The following PCDHGA1 variants were observed in gnomAD, a reference collection of about 807,000 sequenced individuals.
The protein encoded by PCDHGA1 is protocadherin gamma-A1.
In PCDHGA1, 32 loss-of-function variants were observed where a neutral mutation model predicts 58.0. The ratio of observed to expected loss-of-function variants is 0.55; its 90% CI spans 0.42 to 0.74. The LOEUF is 0.74. PCDHGA1 is among the 30% of genes least tolerant of loss of function. The pLI, the probability that PCDHGA1 is intolerant of heterozygous loss-of-function variation, is 0.00. For synonymous variants in PCDHGA1, 498 were observed against 501.1 expected, an observed-to-expected ratio of 0.99 and a Z score of 0.08; for missense variants, 1,205 against 1,182.3, an observed-to-expected ratio of 1.02 and a Z score of -0.28.
chr5:141,355,504 T>C (rs1759880849), intron 1 of PCDHGA1: 8 of 1,614,034 alleles, frequency 5.0e-6, no homozygotes, highest in Non-Finnish European at 6.8e-6. Context: ...ATCTCCAAAC[T>C]GTGTGACAAA....
chr5:141,330,708 TG>T lies in PCDHGA1; in HGVS notation c.26del (p.Gly9AlafsTer5), dbSNP rs1172405404. On this transcript the variant is annotated frameshift_variant, in exon 1 of 4. Coordinates refer to ENST00000517417, the MANE Select transcript of PCDHGA1 (RefSeq NM_018912.3). LOFTEE classifies it high-confidence loss of function. Reference sequence around the variant, plus strand: ...CCATGAAGATTCAGAAAAAGCTGACTGGCTGCAGCAGGCTGATGCTTCTGTG... The same window carrying T: ...CCATGAAGATTCAGAAAAAGCTGACTGCTGCAGCAGGCTGATGCTTCTGTG... MKIQKKLT[G>X]CSRLMLLCLS... The T allele has an allele frequency of 1.2e-6, 2 of 1,608,478 alleles. No homozygotes were observed. The highest frequency in any genetic ancestry group is 4.5e-5 in the East Asian group (2 of 44,768).
At position 141,490,735 on chromosome 5, in the gene PCDHGA1, C is replaced by T; in HGVS notation, c.2422-4072C>T. The T allele has an allele frequency of 2.5e-6, 4 of 1,614,194 alleles. No individual in the cohort carries two copies. Among genetic ancestry groups the T allele is most frequent in the Non-Finnish European group, 2.5e-6 (3 of 1,180,018 alleles). ...CTACTCCATTGTAGGAAATCAGGTTCAGGGAGCCCCAGCCTCCTCCTTTGT... is the reference window on the plus strand; with the variant it reads ...CTACTCCATTGTAGGAAATCAGGTTTAGGGAGCCCCAGCCTCCTCCTTTGT... On this transcript the variant is annotated intron_variant, in intron 1 of 3. Transcript: ENST00000517417. This position sits in a 1 kb window ranked among gnomAD's most constrained non-coding sequence, Gnocchi z 5.4.
chr5:141,350,787 C>T (rs1758560543), intron 1 of PCDHGA1: 1 of 1,613,992 alleles, frequency 6.2e-7, no homozygotes. Flanking sequence ...CAATACTTCT[C>T]TCTGTCAACG....
chr5:141,346,550 A>G (rs1002998813), intron 1 of PCDHGA1: 13 of 1,524,464 alleles, frequency 8.5e-6, no homozygotes, highest in Middle Eastern at 1.7e-4. Flanking sequence ...AAATAAAGCC[A>G]TGAGGTTGTC....
intron 1 of PCDHGA1, chr5:141,413,459 A>G: frequency 6.2e-7 from 1 of 1,614,080 alleles, no homozygotes; most frequent in Non-Finnish European, 8.5e-7. Flanking sequence ...GGCAGGATAG[A>G]CCGGGAGGAG....
At chr5:141,402,877 T>C in intron 1 of PCDHGA1, 3 of 1,469,748 alleles carry the variant, frequency 2.0e-6, no homozygotes, top group East Asian at 4.9e-5. Flanking sequence ...CACCATACTT[T>C]GCAGGGTGGA....
intron 1 of PCDHGA1, chr5:141,345,786 G>C (rs760333566): frequency 6.2e-6 from 10 of 1,613,976 alleles, no homozygotes; most frequent in South Asian, 3.3e-5. Flanking sequence ...CGCAGAGCCC[G>C]GCTACCTGGT....
chr5:141,418,669 C>G, intron 1 of PCDHGA1: 1 of 1,614,018 alleles, frequency 6.2e-7, no homozygotes, highest in Non-Finnish European at 8.5e-7. Flanking sequence ...CTGACCAGGA[C>G]GAGGGCATCA....
At chr5:141,395,215 A>G in intron 1 of PCDHGA1, 1 of 1,612,350 alleles carries the variant, frequency 6.2e-7, no homozygotes, top group Middle Eastern at 1.7e-4. Context: ...CATGAATATA[A>G]GAATGAAGCT....
In PCDHGA1 at chr5:141,485,222, C is replaced by A; in HGVS notation, c.2422-9585C>A. The A allele has an allele frequency of 6.2e-7, 1 of 1,614,196 alleles. No homozygotes were observed. The highest frequency in any genetic ancestry group is 8.5e-7 in the Non-Finnish European group (1 of 1,180,020). On this transcript the variant is annotated intron_variant, in intron 1 of 3. Transcript: ENST00000517417. This position sits in a 1 kb window ranked among gnomAD's most constrained non-coding sequence, Gnocchi z 5.7. ...GACAGAAATCTGGCGGTGGGCTACC[C>A]TTTTGTTCCTCTTTTACCACCTGGG...
rs1023379892 is a variant in PCDHGA1 at position 141,475,927 on chromosome 5, G to T, written c.2422-18880G>T. 1.3e-4 allele frequency: 80 copies of T among 628,362 alleles called. No individual in the cohort carries two copies. In the African/African-American group the frequency reaches 1.4e-3, roughly 11 times the overall value. The allele number at this position is 628,362 out of a possible 1,614,324, so 38.9% of individuals were successfully genotyped here. ...CGGCCAATGAAGACGCTGGAGATCG[G>T]GCCCCTGCCCGTCCCCTTTCTGCGC... On this transcript the variant is annotated intron_variant, in intron 1 of 3. Coordinates refer to ENST00000517417, the MANE Select transcript of PCDHGA1 (RefSeq NM_018912.3).
chr5:141,458,513 GT>G (rs537551567), intron 1 of PCDHGA1, among the ~76,000 whole-genome samples: 34 of 146,056 alleles, frequency 2.3e-4, no homozygotes, highest in South Asian at 6.5e-4. Flanking sequence ...TTGACACTTT[GT>G]TTTTTTTTTT....
intron 2 of PCDHGA1, among the ~76,000 whole-genome samples, chr5:141,497,767 C>T (rs1419825322): frequency 1.3e-5 from 2 of 152,066 alleles, no homozygotes; most frequent in East Asian, 3.9e-4. Flanking sequence ...TCAAACTCCC[C>T]GACCTCAACT....
chr5:141,422,478 G>C, intron 1 of PCDHGA1: 1 of 1,613,914 alleles, frequency 6.2e-7, no homozygotes, highest in Non-Finnish European at 8.5e-7. Flanking sequence ...AGTTGGTCCA[G>C]AGCTACAATA....
Position 141,491,713 on chromosome 5 carries a change from G to T in PCDHGA1, c.2422-3094G>T. The T allele has an allele frequency of 6.2e-7, 1 of 1,609,174 alleles. No individual in the cohort carries two copies. The highest frequency in any genetic ancestry group is 8.5e-7 in the Non-Finnish European group (1 of 1,178,054). On this transcript the variant is annotated intron_variant, in intron 1 of 3. Transcript: ENST00000517417. The surrounding 1 kb of genome is among the most constrained non-coding windows in gnomAD (Gnocchi z 6.9). ...GGAGCGGAGCCAGGTGAGGGGCTCG[G>T]CGCCGCCCCGGGCGACCCCTGGGGG...
rs1561508554 is a variant in PCDHGA1, at chr5:141,355,365, G to A, written c.2421+22260G>A. The A allele has an allele frequency of 3.1e-6, 5 of 1,614,040 alleles. No homozygotes were observed. The South Asian group carries it at 4.4e-5, about 14-fold the overall frequency. On this transcript the variant is annotated intron_variant, in intron 1 of 3. Coordinates refer to ENST00000517417, the MANE Select transcript of PCDHGA1 (RefSeq NM_018912.3). ...ACATCGCCAAGGACCTGGGGTTGGC[G>A]CCCCGGGAGCTGGCGGAGCGCGGAG...
At chr5:141,504,502 G>A (rs2099838821) in intron 2 of PCDHGA1, among the ~76,000 whole-genome samples, 1 of 152,128 alleles carries the variant, frequency 6.6e-6, no homozygotes, top group Non-Finnish European at 1.5e-5. Context: ...CCCAGTCTGA[G>A]TGGATCTCCT....
At chr5:141,455,503 T>C (rs1005615473) in intron 1 of PCDHGA1, among the ~76,000 whole-genome samples, 3 of 152,302 alleles carry the variant, frequency 2.0e-5, no homozygotes, top group Middle Eastern at 3.4e-3. Context: ...CTGATTTGCA[T>C]AGGGCTCAGG....
At chr5:141,374,566 T>C (rs368553948) in intron 1 of PCDHGA1, 21 of 1,613,582 alleles carry the variant, frequency 1.3e-5, no homozygotes, top group South Asian at 3.3e-5. Flanking sequence ...ATGACCCTGA[T>C]GTGGGAATGA....
Sources: allele counts gnomAD v4.1 joint callset (sites outside exome capture counted in the v4.1 genomes callset), GRCh38; gene constraint gnomAD v4.1.1; non-coding constraint Gnocchi (gnomAD v3.1); transcripts MANE v1.5; gene names NCBI Gene and HGNC (gene_info 2026-07-23, HGNC 2026-07-21).